The following DCAF6 variants were observed in gnomAD, a reference collection of about 807,000 sequenced individuals.
The protein encoded by DCAF6 is DDB1- and CUL4-associated factor 6.
DCAF6 carries 54 observed loss-of-function variants against 125.1 expected under a neutral mutation model. That is an observed-to-expected ratio of 0.43 (90% CI 0.35 to 0.54). DCAF6 has a LOEUF of 0.54. Among genes scored for constraint, DCAF6 ranks in the 20% least tolerant of loss-of-function variants. The pLI is 0.01. For missense variants in DCAF6, 934 were observed against 1,161.7 expected (o/e 0.80, Z 2.85); for synonymous variants, 371 against 390.4 (o/e 0.95, Z 0.58).
intron 7 of DCAF6, among the ~76,000 whole-genome samples, chr1:167,999,530 G>T (rs1571876313): frequency 1.3e-5 from 2 of 152,156 alleles, no homozygotes; most frequent in South Asian, 4.1e-4. Context: ...GTCGTTTAGG[G>T]TAGCCACTTT....
the DCAF6 span, among the ~76,000 whole-genome samples, chr1:167,922,426 A>G: frequency 2.0e-5 from 3 of 152,144 alleles, no homozygotes; most frequent in Non-Finnish European, 4.4e-5. Context: ...TTGTGAATAG[A>G]TGAAATCACT....
chr1:167,901,840 G>A, the DCAF6 span: 14 of 1,614,112 alleles, frequency 8.7e-6, no homozygotes, highest in Admixed American at 1.8e-4. Flanking sequence ...CTTTTGACCT[G>A]CCCTGGGGAT....
chr1:168,011,448 C>G (rs1056499182), intron 10 of DCAF6, among the ~76,000 whole-genome samples: 1 of 152,150 alleles, frequency 6.6e-6, no homozygotes, highest in South Asian at 2.1e-4. Context: ...ATGATGTGGT[C>G]TGTGTGTGGA....
At chr1:167,972,335 A>T (rs1677459633) in intron 3 of DCAF6, among the ~76,000 whole-genome samples, 1 of 152,250 alleles carries the variant, frequency 6.6e-6, no homozygotes, top group Non-Finnish European at 1.5e-5. Context: ...CACGAATAAT[A>T]ATTCTTTGAA....
chr1:168,007,304 G>A (rs1683465896), intron 10 of DCAF6, among the ~76,000 whole-genome samples: 1 of 151,828 alleles, frequency 6.6e-6, no homozygotes, highest in African/African-American at 2.4e-5. Flanking sequence ...GTTTCTTTTG[G>A]CCTTAACATG....
the DCAF6 span, among the ~76,000 whole-genome samples, chr1:167,915,383 C>A: frequency 6.6e-6 from 1 of 152,318 alleles, no homozygotes; most frequent in African/African-American, 2.4e-5. Flanking sequence ...CACAGTATAT[C>A]CTTTTTGTAG....
chr1:168,044,136 TTGTAC>T (rs1558020847), intron 14 of DCAF6, among the ~76,000 whole-genome samples: 1 of 152,112 alleles, frequency 6.6e-6, no homozygotes, highest in Non-Finnish European at 1.5e-5. Flanking sequence ...CATATTTGCC[TTGTAC>T]TGAGGGGAGG....
the DCAF6 span, among the ~76,000 whole-genome samples, chr1:167,926,894 C>A: frequency 7.2e-5 from 11 of 152,158 alleles, no homozygotes; most frequent in East Asian, 1.9e-4. Flanking sequence ...TCAAGGAAGC[C>A]TTAAAAAACA....
intron 16 of DCAF6, among the ~76,000 whole-genome samples, chr1:168,046,288 G>A (rs548696416): frequency 6.6e-4 from 101 of 152,142 alleles, no homozygotes; most frequent in Middle Eastern, 3.4e-3. Context: ...CATGTTAATA[G>A]CACTAATTAA....
chr1:167,875,577 G>C, the DCAF6 span, among the ~76,000 whole-genome samples: 1 of 152,320 alleles, frequency 6.6e-6, no homozygotes, highest in Non-Finnish European at 1.5e-5. Flanking sequence ...CCTTTTATTG[G>C]AGCACATGCT....
rs1239526601 is a variant in DCAF6, at chr1:168,049,428, G to GTT, written c.2259-1463_2259-1462dup. Among the ~76,000 whole-genome samples the GTT allele has an allele frequency of 3.0e-4, 20 of 67,446 alleles. No homozygotes were observed. In the East Asian group the frequency reaches 4.5e-3, roughly 15 times the overall value. 44.2% of individuals were successfully genotyped at this position (67,446 alleles called of 152,430 possible). ...CTGCTAATTTGTTGTTGTTGTTGTT[G>GTT]TTGTTTTTTTTTTTTTTTTTTTTTA... On this transcript the variant is annotated intron_variant, in intron 16 of 21. Coordinates refer to ENST00000367840, the MANE Select transcript of DCAF6 (RefSeq NM_001198956.2).
At chr1:167,978,287 A>G (rs754916003) in intron 4 of DCAF6, among the ~76,000 whole-genome samples, 1 of 152,216 alleles carries the variant, frequency 6.6e-6, no homozygotes, top group Non-Finnish European at 1.5e-5. Context: ...TTTAGAGATA[A>G]AGCCAAATAG....
chr1:167,898,504 G>A, the DCAF6 span, among the ~76,000 whole-genome samples: 2 of 152,006 alleles, frequency 1.3e-5, no homozygotes, highest in Non-Finnish European at 2.9e-5. Flanking sequence ...GAAGGTTGAG[G>A]CAGGGAATTG....
At chr1:168,069,075 T>C (rs1692724057) in intron 21 of DCAF6, among the ~76,000 whole-genome samples, 2 of 152,186 alleles carry the variant, frequency 1.3e-5, no homozygotes, top group Admixed American at 1.3e-4. Context: ...TTAATAATAA[T>C]AGGTACCATT....
At chr1:167,973,843 A>G (rs928598257) in intron 3 of DCAF6, among the ~76,000 whole-genome samples, 1 of 152,198 alleles carries the variant, frequency 6.6e-6, no homozygotes, top group Non-Finnish European at 1.5e-5. Context: ...AACTCAGTAA[A>G]TAATCTTTGA....
At chr1:167,979,947 C>G (rs1051797214) in intron 4 of DCAF6, among the ~76,000 whole-genome samples, 1 of 151,950 alleles carries the variant, frequency 6.6e-6, no homozygotes, top group Non-Finnish European at 1.5e-5. Flanking sequence ...CTTTGGGAGG[C>G]TGAGGAGGGC....
the DCAF6 span, chr1:167,902,127 G>A: frequency 2.1e-6 from 3 of 1,414,858 alleles, no homozygotes; most frequent in Non-Finnish European, 3.0e-6. Context: ...TTCTTTCTTA[G>A]TGGAATAGAA....
At chr1:168,009,390 T>TTCCTTCCTTC (rs1557971290) in intron 10 of DCAF6, among the ~76,000 whole-genome samples, 2 of 108,072 alleles carry the variant, frequency 1.9e-5, no homozygotes, top group African/African-American at 8.0e-5. Context: ...TTCCTTCCTT[T>TTCCTTCCTTC]CTTTCTTTCT....
At chr1:168,021,662 A>C (rs1373357836) in intron 11 of DCAF6, among the ~76,000 whole-genome samples, 1 of 152,216 alleles carries the variant, frequency 6.6e-6, no homozygotes, top group East Asian at 1.9e-4. Flanking sequence ...GTTTTGTCAA[A>C]ATCTAGTAAG....
Sources: gnomAD v4.1 joint callset for allele counts (sites outside exome capture counted in the v4.1 genomes callset) on GRCh38, gnomAD v4.1.1 for gene constraint, MANE v1.5 for transcripts, NCBI Gene and HGNC (gene_info 2026-07-23, HGNC 2026-07-21) for gene names.